RBM19: variants seen among roughly 807,000 people sequenced by gnomAD.
RBM19 encodes probable RNA-binding protein 19.
A neutral mutation model predicts 116.8 loss-of-function variants in RBM19; 94 were observed. That is an observed-to-expected ratio of 0.80 (90% confidence interval 0.68 to 0.95). The LOEUF is 0.95. Among genes scored for constraint, RBM19 ranks in the 40% least tolerant of loss-of-function variants. The probability of loss-of-function intolerance (pLI) is 0.00; values close to 1 mark genes in which losing one functional copy is unlikely to be tolerated. For missense variants in RBM19, 1,161 were observed against 1,220.7 expected (o/e 0.95, Z 0.73); for synonymous variants, 475 against 494.1 (o/e 0.96, Z 0.51).
At chr12:113,854,757 C>T (rs10850224) in intron 22 of RBM19, among the ~76,000 whole-genome samples, 19,903 of 152,144 alleles carry the variant, frequency 0.13, 1,292 homozygotes, top group African/African-American at 0.14. Flanking sequence ...AGACCGGGGT[C>T]TGGGCTTCCC....
At chr12:113,942,908 G>GC (rs1870706797) in intron 13 of RBM19, among the ~76,000 whole-genome samples, 1 of 152,052 alleles carries the variant, frequency 6.6e-6, no homozygotes, top group Non-Finnish European at 1.5e-5. Context: ...ACTGTGCTTG[G>GC]CCCCCCAGTG....
intron 21 of RBM19, among the ~76,000 whole-genome samples, chr12:113,893,962 ACAGT>A (rs1881137872): frequency 6.6e-6 from 1 of 151,664 alleles, no homozygotes; most frequent in African/African-American, 2.4e-5. Context: ...GGCACACACA[ACAGT>A]CAGAGCGCAG....
At chr12:113,823,382 AAG>A (rs1874590266) in intron 23 of RBM19, 61 bp from the exon 24 acceptor site, 1 of 1,463,924 alleles carries the variant, frequency 6.8e-7, no homozygotes, top group Non-Finnish European at 9.5e-7. Context: ...GGGAGGCAGG[AAG>A]AGAGAAATGA....
intron 15 of RBM19, among the ~76,000 whole-genome samples, chr12:113,939,071 T>C (rs918565508): frequency 5.3e-5 from 8 of 152,316 alleles, no homozygotes; most frequent in Admixed American, 5.2e-4. Context: ...ATTCATCTCA[T>C]TGTAGCTACA....
intron 21 of RBM19, among the ~76,000 whole-genome samples, chr12:113,867,745 G>GC (rs1241320671): frequency 1.3e-5 from 2 of 152,062 alleles, no homozygotes; most frequent in Non-Finnish European, 2.9e-5. Flanking sequence ...ACATGGTGAA[G>GC]CCCCATTTCT....
In RBM19 at chr12:113,861,548, G is replaced by C. The variant is rs114367378; in HGVS notation, c.2559-2652C>G. Reference sequence around the variant, plus strand: ...AAGGGGTCGGGGGGTGGTGGTGTGAGAGAGAAAGAGAGAAGGAGAGAAAGA... The same window carrying C: ...AAGGGGTCGGGGGGTGGTGGTGTGACAGAGAAAGAGAGAAGGAGAGAAAGA... On this transcript the variant is annotated intron_variant, in intron 21 of 23. Coordinates refer to ENST00000261741, the MANE Select transcript of RBM19 (RefSeq NM_016196.4). Among the ~76,000 whole-genome samples, 1,235 of 151,598 alleles carry C rather than the reference G, an allele frequency of 8.1e-3. 23 individuals carry two copies. Among genetic ancestry groups the C allele is most frequent in the African/African-American group, 0.029 (1,195 of 41,140 alleles).
chr12:113,861,552 G>T (rs146165610), intron 21 of RBM19, among the ~76,000 whole-genome samples: 2 of 151,694 alleles, frequency 1.3e-5, no homozygotes, highest in East Asian at 3.9e-4. Flanking sequence ...GTGTGAGAGA[G>T]AAAGAGAGAA....
chr12:113,847,278 A>C (rs1877072784), intron 22 of RBM19, among the ~76,000 whole-genome samples: 1 of 152,230 alleles, frequency 6.6e-6, no homozygotes, highest in South Asian at 2.1e-4. Flanking sequence ...CAAATTAAAG[A>C]AACGCTTTGT....
chr12:113,942,331 A>G lies in RBM19; in HGVS notation c.1730T>C (p.Phe577Ser). 1 of 1,605,072 alleles carries G rather than the reference A, an allele frequency of 6.2e-7. No homozygotes were observed. Among genetic ancestry groups the G allele is most frequent in the Non-Finnish European group, 8.5e-7 (1 of 1,179,588 alleles). The part of the protein sequence containing the change: ...LIDNGVSLDS[F>S]SQAAAERSKT... ...GCCACCGAGAACACCCACCTGGCTG[A>G]AGGAATCCAGGCTGACCCCGTTGTC... The change falls in exon 14 of 24, where the codon TTC (phenylalanine) becomes TCC (serine). Residue 577 changes from phenylalanine (F) to serine (S), a missense_variant. Physicochemically the swap from Phe to Ser is radical, Grantham distance 155. Transcript: ENST00000261741.
chr12:113,914,876 G>A (rs1882671713), intron 21 of RBM19, 93 bp downstream of exon 21: 1 of 1,102,208 alleles, frequency 9.1e-7, no homozygotes, highest in African/African-American at 1.5e-5. Flanking sequence ...GCCTGCAACG[G>A]AACCATCCAG....
intron 21 of RBM19, among the ~76,000 whole-genome samples, chr12:113,908,488 T>C (rs1882215018): frequency 6.9e-6 from 1 of 145,946 alleles, no homozygotes; most frequent in South Asian, 2.1e-4. Context: ...ATGCAAGCCT[T>C]GTAATTAAGA....
chr12:113,931,254 T>C (rs562013045), intron 16 of RBM19, among the ~76,000 whole-genome samples: 1 of 152,156 alleles, frequency 6.6e-6, no homozygotes, highest in South Asian at 2.1e-4. Flanking sequence ...ATAATGGCCC[T>C]TCCCCCTCTC....
chr12:113,828,638 C>T (rs925471110), intron 23 of RBM19, among the ~76,000 whole-genome samples: 15 of 152,130 alleles, frequency 9.9e-5, no homozygotes, highest in Non-Finnish European at 2.1e-4. Context: ...ACACCAGCCA[C>T]CTGTAGCTCC....
intron 16 of RBM19, among the ~76,000 whole-genome samples, chr12:113,935,377 G>A (rs1232729292): frequency 3.3e-5 from 5 of 152,180 alleles, no homozygotes; most frequent in Admixed American, 6.5e-5. Flanking sequence ...GTGATTTGGG[G>A]GAGACAGTTA....
At chr12:113,956,576 CAAAAAAAAAAAA>C (rs10592306) in intron 6 of RBM19, among the ~76,000 whole-genome samples, 1 of 66,234 alleles carries the variant, frequency 1.5e-5, no homozygotes, top group Non-Finnish European at 2.8e-5. Flanking sequence ...AAGACTGTCT[CAAAAAAAAAAAA>C]AAAAAAAAAA....
intron 20 of RBM19, among the ~76,000 whole-genome samples, chr12:113,916,414 T>C (rs1882777762): frequency 2.0e-5 from 3 of 152,070 alleles, no homozygotes; most frequent in South Asian, 2.1e-4. Context: ...CTCAAAAAAA[T>C]AGAAGCAGCA....
rs139834538 is a variant in RBM19 at position 113,866,790 on chromosome 12, A to T, written c.2559-7894T>A. Reference sequence around the variant, plus strand: ...CCACTCAGCCCCAAGCTAGATAGCCAGGTGGACATCTGGGCCCAGGACTAG... The same window carrying T: ...CCACTCAGCCCCAAGCTAGATAGCCTGGTGGACATCTGGGCCCAGGACTAG... On this transcript the variant is annotated intron_variant, in intron 21 of 23. Coordinates refer to ENST00000261741, the MANE Select transcript of RBM19 (RefSeq NM_016196.4). 1.4e-3 allele frequency among the ~76,000 whole-genome samples: 214 copies of T among 152,354 alleles called. 1 individual carries two copies. The highest frequency in any genetic ancestry group is 4.6e-3 in the African/African-American group (193 of 41,594).
At chr12:113,868,505 C>T (rs545703161) in intron 21 of RBM19, among the ~76,000 whole-genome samples, 1 of 152,312 alleles carries the variant, frequency 6.6e-6, no homozygotes, top group East Asian at 1.9e-4. Context: ...GTTTGGGAGA[C>T]ATCTATTTAA....
intron 18 of RBM19, among the ~76,000 whole-genome samples, chr12:113,922,284 C>A (rs1031604773): frequency 6.6e-6 from 1 of 152,202 alleles, no homozygotes; most frequent in African/African-American, 2.4e-5. Context: ...CTGCTCCAAC[C>A]CCAGCTGAGA....
Sources: allele counts gnomAD v4.1 joint callset (sites outside exome capture counted in the v4.1 genomes callset), GRCh38; gene constraint gnomAD v4.1.1; transcripts MANE v1.5; gene names NCBI Gene and HGNC (gene_info 2026-07-23, HGNC 2026-07-21).